The following C4orf51 variants were observed in gnomAD, a reference collection of about 807,000 sequenced individuals.
C4orf51 encodes the protein uncharacterized protein C4orf51.
Under a neutral mutation model 25.2 loss-of-function variants are expected in C4orf51, and 25 were observed. That is an observed-to-expected ratio of 0.99 (90% CI 0.72 to 1.39). C4orf51 has a LOEUF of 1.39. C4orf51 is among the 40% of genes most tolerant of loss of function. The pLI, the probability that C4orf51 is intolerant of heterozygous loss-of-function variation, is 0.00. For missense variants in C4orf51, 252 were observed against 239.6 expected (o/e 1.05, Z -0.34); for synonymous variants, 100 against 84.5 (o/e 1.18, Z -1.01).
Position 145,763,225 on chromosome 4 carries a change from G to T in C4orf51, n.167-7763G>T. The T allele has an allele frequency of 8.6e-7, 1 of 1,160,730 alleles. No homozygotes were observed. Among genetic ancestry groups the T allele is most frequent in the Non-Finnish European group, 1.2e-6 (1 of 824,182 alleles). 71.9% of individuals were successfully genotyped at this position (1,160,730 alleles called of 1,614,324 possible). On this transcript the variant is annotated intron_variant and non_coding_transcript_variant, in intron 1 of 1. Coordinates refer to the C4orf51 transcript ENST00000510096. The surrounding 1 kb of genome is among the most constrained non-coding windows in gnomAD (Gnocchi z 4.6). ...TCACAGAAAAGCAATTTAGACATCA[G>T]CAGTCTGTTTCATTTTAAGGACATT...
chr4:145,714,346 T>G (rs575887268), intron 2 of C4orf51, among the ~76,000 whole-genome samples: 18 of 152,340 alleles, frequency 1.2e-4, no homozygotes, highest in African/African-American at 4.3e-4. Flanking sequence ...AATTACCTTT[T>G]TTTATGGCAA....
chr4:145,707,840 GC>G (rs1273014095), intron 2 of C4orf51, among the ~76,000 whole-genome samples: 1 of 152,210 alleles, frequency 6.6e-6, no homozygotes, highest in Non-Finnish European at 1.5e-5. Context: ...AAGTTTACTT[GC>G]CACCTCCAGA....
intron 2 of C4orf51, among the ~76,000 whole-genome samples, chr4:145,710,679 T>C: frequency 6.6e-6 from 1 of 152,126 alleles, no homozygotes; most frequent in Non-Finnish European, 1.5e-5. Context: ...GGTGTTTTGG[T>C]TTATTGAGAG....
At chr4:145,781,195 C>CAAAAAAAAAAAAAAAAAA in the C4orf51 span, among the ~76,000 whole-genome samples, 26 of 56,536 alleles carry the variant, frequency 4.6e-4, no homozygotes, top group East Asian at 6.8e-4. Flanking sequence ...GACACCATCT[C>CAAAAAAAAAAAAAAAAAA]AAAAAAAAAA....
In C4orf51 at chr4:145,761,895, G is replaced by C. The variant is rs921431645; in HGVS notation, n.167-9093G>C. Among the ~76,000 whole-genome samples the C allele has an allele frequency of 6.6e-6, 1 of 152,200 alleles. No individual in the cohort carries two copies. The highest frequency in any genetic ancestry group is 2.4e-5 in the African/African-American group (1 of 41,438). ...CCAAGGGGAGCAGAGAAAGTGCCAG[G>C]AATCAATTTGCTGGTGCTCCCCTCC... is the stretch of plus-strand genomic sequence containing the variant. On this transcript the variant is annotated intron_variant and non_coding_transcript_variant, in intron 1 of 1. Transcript: ENST00000510096. This position sits in a 1 kb window ranked among gnomAD's most constrained non-coding sequence, Gnocchi z 6.8.
downstream of C4orf51, among the ~76,000 whole-genome samples, chr4:145,771,886 TA>T (rs1161541479): frequency 6.6e-6 from 1 of 152,178 alleles, no homozygotes; most frequent in Non-Finnish European, 1.5e-5. Context: ...AAAATCAAAT[TA>T]GAGAACAAGG....
At chr4:145,725,501 T>C (rs1338823599) in intron 2 of C4orf51, among the ~76,000 whole-genome samples, 1 of 152,178 alleles carries the variant, frequency 6.6e-6, no homozygotes, top group Non-Finnish European at 1.5e-5. Context: ...CATTGCAGCA[T>C]TATCCATAGC....
chr4:145,729,119 C>A (rs769917893), intron 3 of C4orf51, 50 bp from the exon 4 acceptor site: 3 of 1,210,248 alleles, frequency 2.5e-6, no homozygotes, highest in Non-Finnish European at 3.6e-6. Context: ...TATTAGATTT[C>A]TATTATTATG....
downstream of C4orf51, among the ~76,000 whole-genome samples, chr4:145,775,374 C>T (rs1458414965): frequency 6.6e-6 from 1 of 151,764 alleles, no homozygotes; most frequent in Non-Finnish European, 1.5e-5. Flanking sequence ...TGGGGAAATA[C>T]GTAACGCCTT....
intron 3 of C4orf51, 113 bp from the exon 4 acceptor site, chr4:145,729,056 C>A: frequency 1.4e-6 from 1 of 736,256 alleles, no homozygotes; most frequent in Non-Finnish European, 2.3e-6. Context: ...ACAGCAGTAT[C>A]AGTGCTTTCT....
At chr4:145,731,232 A>C (rs1036043765) in intron 5 of C4orf51, among the ~76,000 whole-genome samples, 1 of 152,136 alleles carries the variant, frequency 6.6e-6, no homozygotes, top group Non-Finnish European at 1.5e-5. Flanking sequence ...GCCTACATGG[A>C]GTTGTACTGG....
chr4:145,753,029 C>T (rs1466041046), intron 1 of C4orf51, among the ~76,000 whole-genome samples: 1 of 152,078 alleles, frequency 6.6e-6, no homozygotes, highest in Non-Finnish European at 1.5e-5. Context: ...GAGGGATGGT[C>T]TTGGCAATTT....
At chr4:145,707,631 T>A (rs1396985892) in intron 2 of C4orf51, among the ~76,000 whole-genome samples, 2 of 152,154 alleles carry the variant, frequency 1.3e-5, no homozygotes, top group Non-Finnish European at 1.5e-5. Flanking sequence ...GGAAAATATA[T>A]TTTTGCCCTA....
intron 1 of C4orf51, among the ~76,000 whole-genome samples, chr4:145,768,676 T>C (rs1366178868): frequency 6.7e-6 from 1 of 149,940 alleles, no homozygotes; most frequent in African/African-American, 2.5e-5. Flanking sequence ...ACTGTAAATG[T>C]TAGAACCTAA....
chr4:145,682,503 C>A (rs1347500906), intron 1 of C4orf51, among the ~76,000 whole-genome samples: 1 of 152,032 alleles, frequency 6.6e-6, no homozygotes, highest in East Asian at 1.9e-4. Flanking sequence ...ATTACTGGGA[C>A]AAAACATAAA....
At chr4:145,771,167 C>A (rs188650179), downstream of C4orf51, 6 of 152,262 alleles carry the variant, frequency 3.9e-5, no homozygotes, top group East Asian at 3.9e-4. Context: ...AATATATTAA[C>A]CTTTTGTCAT....
At chr4:145,742,306 C>G (rs1293899785) in intron 1 of C4orf51, among the ~76,000 whole-genome samples, 1 of 152,100 alleles carries the variant, frequency 6.6e-6, no homozygotes, top group Non-Finnish European at 1.5e-5. Flanking sequence ...CATGTGTTGA[C>G]AACTCCTCCT....
chr4:145,723,884 C>T (rs543903891), intron 2 of C4orf51, among the ~76,000 whole-genome samples: 8 of 152,162 alleles, frequency 5.3e-5, no homozygotes, highest in Non-Finnish European at 1.0e-4. Context: ...ATTAGCTAAC[C>T]GTACTCCAAC....
At chr4:145,767,082 G>A (rs908085881) in intron 1 of C4orf51, among the ~76,000 whole-genome samples, 7 of 152,190 alleles carry the variant, frequency 4.6e-5, no homozygotes, top group African/African-American at 1.7e-4. Context: ...AATTCGAATT[G>A]AGAATAATCA....
Sources: gnomAD v4.1 joint callset for allele counts (sites outside exome capture counted in the v4.1 genomes callset) on GRCh38, gnomAD v4.1.1 for gene constraint, Gnocchi (gnomAD v3.1) non-coding constraint, MANE v1.5 for transcripts, NCBI Gene and HGNC (gene_info 2026-07-23, HGNC 2026-07-21) for gene names.